ENO4: variants seen among roughly 807,000 people sequenced by gnomAD.
The protein encoded by ENO4 is 2-phospho-D-glycerate hydro-lyase.
ENO4 carries 53 observed loss-of-function variants against 63.2 expected under a neutral mutation model. The ratio of observed to expected loss-of-function variants is 0.84; its 90% confidence interval spans 0.67 to 1.05. The LOEUF (loss-of-function observed/expected upper bound fraction) is 1.05, where lower values mean the gene tolerates loss of function less well. Among genes scored for constraint, ENO4 ranks in the 50% least tolerant of loss-of-function variants. The probability of loss-of-function intolerance (pLI) is 0.00; values close to 1 mark genes in which losing one functional copy is unlikely to be tolerated. For synonymous variants in ENO4, 266 were observed against 283.8 expected (o/e 0.94, Z 0.63); for missense variants, 719 against 772.0 (o/e 0.93, Z 0.81).
At chr10:116,908,024 T>C in intron 10 of ENO4, 1 of 453,960 alleles carries the variant, frequency 2.2e-6, no homozygotes, top group East Asian at 6.9e-5. Flanking sequence ...AAGGTGCTTG[T>C]AAAATCAGAT....
At chr10:116,880,036 C>G (rs200956380) in intron 13 of ENO4, 50 bp downstream of exon 13, 2 of 1,387,156 alleles carry the variant, frequency 1.4e-6, no homozygotes, top group African/African-American at 2.9e-5. Flanking sequence ...AATAAGAGAA[C>G]AAAGATTGGA....
At chr10:116,896,449 T>A in intron 10 of ENO4, among the ~76,000 whole-genome samples, 1 of 152,058 alleles carries the variant, frequency 6.6e-6, no homozygotes, top group East Asian at 1.9e-4. Context: ...CCAACCAGCT[T>A]CGGCTTGACT....
chr10:116,911,977 C>G, downstream of ENO4: 1 of 681,054 alleles, frequency 1.5e-6, no homozygotes. Flanking sequence ...TAAATTAGGA[C>G]TATGTCTTAA....
rs145012130 is a variant in ENO4, at chr10:116,876,094, C to T, written c.1371C>T (p.His457=). ...CTGAACAGTGGGACAGCATCTATCA[C>T]GCACTTGGTTCCAGGTGTTACATAA... The part of the protein sequence containing the change: ...EDSEQWDSIY[H]ALGSRCYIIA... Residue 457 remains histidine (H), a synonymous_variant, in exon 11 of 14, where the codon CAC becomes CAT. Transcript: ENST00000341276. 1.9e-5 allele frequency: 30 copies of T among 1,549,238 alleles called. No homozygotes were observed. The highest frequency in any genetic ancestry group is 1.6e-4 in the African/African-American group (12 of 73,128).
At chr10:116,852,416 G>A (rs1449581063) in intron 1 of ENO4, among the ~76,000 whole-genome samples, 6 of 152,152 alleles carry the variant, frequency 3.9e-5, no homozygotes, top group African/African-American at 1.4e-4. Flanking sequence ...AGAGAGTTTT[G>A]GACTGGGAAT....
intron 13 of ENO4, among the ~76,000 whole-genome samples, chr10:116,880,258 C>A (rs1232511381): frequency 3.9e-5 from 6 of 152,188 alleles, no homozygotes; most frequent in Non-Finnish European, 7.3e-5. Context: ...AATTTCCAAG[C>A]CTACCTTTTG....
rs1360270868 is a variant in ENO4 at position 116,881,929 on chromosome 10, C to T, written c.*260C>T. The T allele has an allele frequency of 2.8e-5, 9 of 325,208 alleles. No individual in the cohort carries two copies. Among genetic ancestry groups the T allele is most frequent in the East Asian group, 4.9e-5 (1 of 20,410 alleles). 20.1% of individuals were successfully genotyped at this position (325,208 alleles called of 1,614,324 possible). ...CTCTCCTGTCCATTTTTCAGGGACA[C>T]GCTCCAGTAAAAGAGGCCAATATTT... On this transcript the variant is annotated 3_prime_UTR_variant, in exon 14 of 14. Transcript: ENST00000341276.
At chr10:116,849,855 C>A in intron 1 of ENO4, 124 bp downstream of exon 1, 3 of 1,130,566 alleles carry the variant, frequency 2.7e-6, no homozygotes, top group Non-Finnish European at 3.8e-6. Flanking sequence ...GGGCCCTGGG[C>A]CTGCGTGTGC....
At chr10:116,872,061 G>T (rs145557419) in intron 9 of ENO4, among the ~76,000 whole-genome samples, 3 of 152,184 alleles carry the variant, frequency 2.0e-5, no homozygotes, top group East Asian at 3.9e-4. Context: ...GCTGGGCGTG[G>T]TGGTGGGCTT....
chr10:116,881,533 C>CA lies in ENO4; in HGVS notation c.1742_1743insA (p.Tyr584LeufsTer3). On this transcript the variant is annotated frameshift_variant, in exon 14 of 14. Coordinates refer to ENST00000341276, the MANE Select transcript of ENO4 (RefSeq NM_001242699.2). LOFTEE classifies it low-confidence loss of function (END_TRUNC). ...TAAATAGGTTTCAAAGAAGAACACA[C>CA]TTTTTTTTACTTTAATGAGGAAGCT... is the stretch of plus-strand genomic sequence containing the variant. The CA allele has an allele frequency of 6.5e-7, 1 of 1,543,152 alleles. No individual in the cohort carries two copies.
intron 11 of ENO4, among the ~76,000 whole-genome samples, chr10:116,876,747 G>A (rs565730773): frequency 1.3e-5 from 2 of 152,126 alleles, no homozygotes; most frequent in South Asian, 2.1e-4. Flanking sequence ...TCAGGAGATC[G>A]AGACCATCCT....
chr10:116,859,718 G>A (rs951406876), intron 4 of ENO4, among the ~76,000 whole-genome samples: 1 of 152,020 alleles, frequency 6.6e-6, no homozygotes, highest in South Asian at 2.1e-4. Context: ...GAACTAGAAC[G>A]TGCTCCTTGA....
At chr10:116,870,876 A>T (rs546986986) in intron 8 of ENO4, among the ~76,000 whole-genome samples, 98 of 152,230 alleles carry the variant, frequency 6.4e-4, no homozygotes, top group Non-Finnish European at 1.2e-3. Flanking sequence ...GAGAGAACAC[A>T]GACACACTAA....
chr10:116,871,810 G>A (rs1382077775), intron 9 of ENO4, among the ~76,000 whole-genome samples: 1 of 152,196 alleles, frequency 6.6e-6, no homozygotes, highest in African/African-American at 2.4e-5. Context: ...GGGTTAGGAG[G>A]ACAGAGCTTT....
chr10:116,865,202 T>C (rs1319196511), intron 7 of ENO4, among the ~76,000 whole-genome samples: 1 of 152,162 alleles, frequency 6.6e-6, no homozygotes, highest in Non-Finnish European at 1.5e-5. Flanking sequence ...TATTAATTTA[T>C]TTTTTGAGAC....
chr10:116,900,014 G>A (rs1847674974), intron 10 of ENO4, among the ~76,000 whole-genome samples: 1 of 152,220 alleles, frequency 6.6e-6, no homozygotes, highest in Non-Finnish European at 1.5e-5. Context: ...AATGAATGAA[G>A]TGTGCCAGTC....
chr10:116,856,097 T>A (rs1159219979), intron 2 of ENO4, among the ~76,000 whole-genome samples: 1 of 152,224 alleles, frequency 6.6e-6, no homozygotes, highest in Non-Finnish European at 1.5e-5. Context: ...TTATAGATGT[T>A]AGACTGACCT....
At chr10:116,856,778 G>A in intron 3 of ENO4, 96 bp downstream of exon 3, 1 of 1,078,058 alleles carries the variant, frequency 9.3e-7, no homozygotes, top group Non-Finnish European at 1.3e-6. Context: ...GAGGCGGGCA[G>A]ATCACGAGGT....
chr10:116,865,916 C>T (rs1371488523), intron 7 of ENO4, among the ~76,000 whole-genome samples: 4 of 152,298 alleles, frequency 2.6e-5, no homozygotes, highest in East Asian at 1.9e-4. Context: ...AAGTTTACTA[C>T]GTACCATCCT....
Sources: allele counts gnomAD v4.1 joint callset (sites outside exome capture counted in the v4.1 genomes callset), GRCh38; gene constraint gnomAD v4.1.1; transcripts MANE v1.5; gene names NCBI Gene and HGNC (gene_info 2026-07-23, HGNC 2026-07-21).